Variants in GPC5 observed in about 807,000 individuals in gnomAD.
The protein encoded by GPC5 is glypican-5.
In GPC5, 47 loss-of-function variants were observed where a neutral mutation model predicts 53.9. That is an observed-to-expected ratio of 0.87 (90% CI 0.69 to 1.11). The LOEUF (loss-of-function observed/expected upper bound fraction) is 1.11. GPC5 is among the 50% of genes most tolerant of loss of function. The pLI, the probability that GPC5 is intolerant of heterozygous loss-of-function variation, is 0.00. For synonymous variants in GPC5, 286 were observed against 263.3 expected (o/e 1.09, Z -0.84); for missense variants, 748 against 713.1 (o/e 1.05, Z -0.56).
intron 7 of GPC5, among the ~76,000 whole-genome samples, chr13:92,815,431 C>G (rs991983333): frequency 6.6e-6 from 1 of 151,814 alleles, no homozygotes; most frequent in Non-Finnish European, 1.5e-5. Flanking sequence ...AGAGGAAGAG[C>G]GAGGGGTCAA....
chr13:91,654,534 A>C (rs1250132006), intron 2 of GPC5, among the ~76,000 whole-genome samples: 8 of 152,262 alleles, frequency 5.3e-5, no homozygotes, highest in African/African-American at 1.4e-4. Flanking sequence ...AAATATTAAA[A>C]CACATACATA....
intron 6 of GPC5, among the ~76,000 whole-genome samples, chr13:92,139,293 C>T (rs1372292563): frequency 6.6e-6 from 1 of 152,152 alleles, no homozygotes; most frequent in Non-Finnish European, 1.5e-5. Context: ...TCATATATTT[C>T]ATTTTTGAAA....
At chr13:92,227,476 C>T (rs566103321) in intron 7 of GPC5, among the ~76,000 whole-genome samples, 57 of 152,228 alleles carry the variant, frequency 3.7e-4, no homozygotes, top group Non-Finnish European at 6.0e-4. Flanking sequence ...GTTCCTGTCT[C>T]GTCAAGGGTG....
At chr13:92,309,045 A>G (rs568588074) in intron 7 of GPC5, among the ~76,000 whole-genome samples, 1 of 152,256 alleles carries the variant, frequency 6.6e-6, no homozygotes, top group Non-Finnish European at 1.5e-5. Flanking sequence ...ATGAAAAACA[A>G]AAACAACACT....
At chr13:91,772,156 A>C (rs2037636408) in intron 5 of GPC5, among the ~76,000 whole-genome samples, 1 of 152,194 alleles carries the variant, frequency 6.6e-6, no homozygotes, top group Non-Finnish European at 1.5e-5. Context: ...TTTGGTGGTG[A>C]CAATTTTTCT....
chr13:92,504,393 G>A (rs1470842163), intron 7 of GPC5, among the ~76,000 whole-genome samples: 2 of 151,890 alleles, frequency 1.3e-5, no homozygotes, highest in Non-Finnish European at 2.9e-5. Context: ...TCTCAATATA[G>A]TAATAATGTT....
At position 92,639,445 on chromosome 13, in the gene GPC5, C is replaced by T. The variant is rs561870068; in HGVS notation, c.1562-226837C>T. On this transcript the variant is annotated intron_variant, in intron 7 of 7. Transcript: ENST00000377067. ...AAAGTGGTTTTACAAAAGACTGTAT[C>T]ATAGATACTGTGAAATCCTTCCTGA... is the stretch of plus-strand genomic sequence containing the variant. 2.6e-5 allele frequency among the ~76,000 whole-genome samples: 4 copies of T among 152,262 alleles called. No individual in the cohort carries two copies. In the South Asian group the frequency reaches 8.3e-4, roughly 32 times the overall value.
At chr13:92,746,833 G>A (rs1889252007) in intron 7 of GPC5, among the ~76,000 whole-genome samples, 1 of 152,018 alleles carries the variant, frequency 6.6e-6, no homozygotes, top group Non-Finnish European at 1.5e-5. Flanking sequence ...GCTTTGCTAG[G>A]TAACAGGGAT....
At chr13:92,290,681 A>G (rs983597725) in intron 7 of GPC5, among the ~76,000 whole-genome samples, 3 of 152,164 alleles carry the variant, frequency 2.0e-5, no homozygotes, top group African/African-American at 7.2e-5. Context: ...TTTATGGCTG[A>G]GTAGTATTCC....
chr13:92,799,222 G>T (rs1876814148), intron 7 of GPC5, among the ~76,000 whole-genome samples: 1 of 151,656 alleles, frequency 6.6e-6, no homozygotes, highest in African/African-American at 2.4e-5. Flanking sequence ...ACTCTGAAAT[G>T]CCTGTTATCC....
At chr13:91,403,153 T>G (rs1877075161) in intron 1 of GPC5, among the ~76,000 whole-genome samples, 1 of 152,206 alleles carries the variant, frequency 6.6e-6, no homozygotes, top group African/African-American at 2.4e-5. Context: ...GGGATCAAAT[T>G]TCCAAAGCCA....
At chr13:91,606,434 T>C in intron 2 of GPC5, among the ~76,000 whole-genome samples, 1 of 151,360 alleles carries the variant, frequency 6.6e-6, no homozygotes, top group Admixed American at 6.6e-5. Flanking sequence ...GTTGTGTCTC[T>C]GCCTGGCTTT....
At chr13:92,550,367 T>A (rs1882270527) in intron 7 of GPC5, among the ~76,000 whole-genome samples, 3 of 152,070 alleles carry the variant, frequency 2.0e-5, no homozygotes, top group South Asian at 2.1e-4. Flanking sequence ...TCAGTATATA[T>A]GTCTCTGATA....
intron 2 of GPC5, among the ~76,000 whole-genome samples, chr13:91,609,861 G>A (rs1020275072): frequency 6.6e-5 from 10 of 152,134 alleles, no homozygotes; most frequent in Admixed American, 2.0e-4. Context: ...CTTATCTCAG[G>A]ATGTTACATT....
At chr13:92,338,000 T>C (rs563241558) in intron 7 of GPC5, among the ~76,000 whole-genome samples, 1 of 152,078 alleles carries the variant, frequency 6.6e-6, no homozygotes, top group African/African-American at 2.4e-5. Context: ...CGTGAAAGAA[T>C]ATGACAAAAG....
At chr13:92,837,938 C>CA (rs1298201628) in intron 7 of GPC5, among the ~76,000 whole-genome samples, 2 of 151,442 alleles carry the variant, frequency 1.3e-5, no homozygotes. Context: ...ACTAAAAATA[C>CA]AAAAAAATTA....
chr13:92,357,681 A>T (rs2043533463), intron 7 of GPC5, among the ~76,000 whole-genome samples: 1 of 151,632 alleles, frequency 6.6e-6, no homozygotes, highest in Non-Finnish European at 1.5e-5. Context: ...GAAACTTAAT[A>T]TCAGGGCGAA....
rs1354916992 is a variant in GPC5 at position 92,799,136 on chromosome 13, G to A, written c.1562-67146G>A. Among the ~76,000 whole-genome samples the A allele has an allele frequency of 2.0e-5, 3 of 151,474 alleles. No homozygotes were observed. The East Asian group carries it at 5.8e-4, about 30-fold the overall frequency. Reference sequence around the variant, plus strand: ...TTAGAGATTGCTACCCCTCTCCTGTGGTAAATGAGGATATTTAGATATTTT... The same window carrying A: ...TTAGAGATTGCTACCCCTCTCCTGTAGTAAATGAGGATATTTAGATATTTT... On this transcript the variant is annotated intron_variant, in intron 7 of 7. Transcript: ENST00000377067.
intron 6 of GPC5, among the ~76,000 whole-genome samples, chr13:91,925,199 TG>T (rs2039755614): frequency 1.3e-5 from 2 of 152,180 alleles, no homozygotes; most frequent in Non-Finnish European, 2.9e-5. Flanking sequence ...ACCATTGAAA[TG>T]TCTTTAACCA....
Sources: gnomAD v4.1 joint callset for allele counts (sites outside exome capture counted in the v4.1 genomes callset) on GRCh38, gnomAD v4.1.1 for gene constraint, MANE v1.5 for transcripts, NCBI Gene and HGNC (gene_info 2026-07-23, HGNC 2026-07-21) for gene names.